Variants in COP1 observed in about 807,000 individuals in gnomAD.
COP1 encodes the protein E3 ubiquitin-protein ligase COP1.
Under a neutral mutation model 101.3 loss-of-function variants are expected in COP1, and 24 were observed. The ratio of observed to expected loss-of-function variants is 0.24; its 90% CI spans 0.17 to 0.33. The LOEUF (loss-of-function observed/expected upper bound fraction) is 0.33. Ranked by LOEUF, COP1 falls within the 10% of genes least tolerant of loss-of-function variation. COP1 has a pLI of 1.00. For synonymous variants in COP1, 347 were observed against 341.9 expected (o/e 1.01, Z -0.17); for missense variants, 663 against 906.2 (o/e 0.73, Z 3.45).
chr1:176,081,411 T>C, intron 10 of COP1, 124 bp from the exon 11 acceptor site: 1 of 701,502 alleles, frequency 1.4e-6, no homozygotes. Context: ...AAGATTTTAC[T>C]AAAGACTAGT....
intron 14 of COP1, among the ~76,000 whole-genome samples, chr1:176,036,660 A>G (rs1203507832): frequency 6.6e-6 from 1 of 152,120 alleles, no homozygotes; most frequent in Non-Finnish European, 1.5e-5. Flanking sequence ...CCATACTTCC[A>G]ATTTTGAATT....
At chr1:176,050,132 T>C (rs1375227668) in intron 11 of COP1, among the ~76,000 whole-genome samples, 1 of 152,238 alleles carries the variant, frequency 6.6e-6, no homozygotes. Flanking sequence ...ATCGTGTTTC[T>C]GGGGACATAA....
chr1:176,090,893 G>A (rs1331380522), intron 9 of COP1, among the ~76,000 whole-genome samples: 2 of 152,142 alleles, frequency 1.3e-5, no homozygotes, highest in African/African-American at 2.4e-5. Context: ...CACAGAAAGT[G>A]AAATTATTCC....
chr1:176,206,379 T>C (rs1700853065), intron 1 of COP1, 193 bp downstream of exon 1: 12 of 596,876 alleles, frequency 2.0e-5, no homozygotes, highest in Non-Finnish European at 8.6e-6. Flanking sequence ...GCCTCGCTAC[T>C]CCAACATTCC....
chr1:176,081,040 GCAGGCTACTT>G (rs1288238167), intron 11 of COP1, 102 bp downstream of exon 11: 1 of 904,438 alleles, frequency 1.1e-6, no homozygotes, highest in Non-Finnish European at 1.7e-6. Flanking sequence ...CTAATAATTG[GCAGGCTACTT>G]CAGAACCCAC....
chr1:176,173,141 C>A (rs1696342676), intron 3 of COP1, among the ~76,000 whole-genome samples: 2 of 151,938 alleles, frequency 1.3e-5, no homozygotes, highest in African/African-American at 2.4e-5. Context: ...GAAACCCTGT[C>A]TCTACTAAAA....
At chr1:176,088,902 G>A (rs1680725128) in intron 9 of COP1, among the ~76,000 whole-genome samples, 1 of 151,638 alleles carries the variant, frequency 6.6e-6, no homozygotes, top group Admixed American at 6.6e-5. Flanking sequence ...GGCTGAGGCA[G>A]GAGAATCACT....
chr1:176,085,648 C>T (rs1403444979), intron 10 of COP1, 128 bp downstream of exon 10: 1 of 478,198 alleles, frequency 2.1e-6, no homozygotes, highest in Non-Finnish European at 3.9e-6. Context: ...CCATGATGAT[C>T]TGGTAGACTA....
intron 15 of COP1, among the ~76,000 whole-genome samples, chr1:175,995,510 A>G (rs955371672): frequency 1.3e-5 from 2 of 152,212 alleles, no homozygotes; most frequent in African/African-American, 4.8e-5. Flanking sequence ...CAAGACTAAT[A>G]AAGAAGAAAA....
chr1:175,993,766 G>C (rs995732885), intron 15 of COP1, among the ~76,000 whole-genome samples: 7 of 152,222 alleles, frequency 4.6e-5, no homozygotes, highest in South Asian at 2.1e-4. Context: ...ATCTACGTCT[G>C]ATTGGTGTAC....
Position 176,162,910 on chromosome 1 carries a change from T to C in COP1, c.721A>G (p.Met241Val), listed in dbSNP as rs763804168. 1 of 1,609,412 alleles carries C rather than the reference T, an allele frequency of 6.2e-7. No individual in the cohort carries two copies. The highest frequency in any genetic ancestry group is 8.5e-7 in the Non-Finnish European group (1 of 1,177,908). Residue 241 changes from methionine (M) to valine (V), a missense_variant, in exon 5 of 20, where the codon ATG (methionine) becomes GTG (valine). This residue lies in a region of COP1 where 212 missense variants were observed against 240.7 expected (regional missense o/e 0.88). Transcript: ENST00000367669. ...TTCTTCTGCACTAGTAACTCCAACA[T>C]AAGATTGACATTGGCCAAATCAAGG... ...DNLDLANVNL[M>V]LELLVQKKKQ...
intron 9 of COP1, among the ~76,000 whole-genome samples, 189 bp downstream of exon 9, chr1:176,116,435 T>A (rs1208155962): frequency 6.6e-6 from 1 of 152,234 alleles, no homozygotes; most frequent in Admixed American, 6.5e-5. Context: ...TAAGTTCTTA[T>A]CATTGAAAAA....
intron 14 of COP1, among the ~76,000 whole-genome samples, chr1:176,038,427 G>C (rs2149141468): frequency 6.6e-6 from 1 of 152,308 alleles, no homozygotes; most frequent in East Asian, 1.9e-4. Context: ...AAAGGAAATA[G>C]AAGAGTTAAA....
intron 18 of COP1, among the ~76,000 whole-genome samples, chr1:175,972,511 A>T (rs1653495585): frequency 6.6e-6 from 1 of 150,406 alleles, no homozygotes; most frequent in Non-Finnish European, 1.5e-5. Flanking sequence ...TGTTGCCAGA[A>T]TGGAGTGCAG....
At chr1:176,065,620 C>T (rs1675784268) in intron 11 of COP1, among the ~76,000 whole-genome samples, 2 of 151,954 alleles carry the variant, frequency 1.3e-5, no homozygotes, top group South Asian at 4.2e-4. Context: ...TCTGTCCTCC[C>T]CTATTTGCCT....
intron 1 of COP1, among the ~76,000 whole-genome samples, chr1:176,196,404 A>G (rs970114769): frequency 2.0e-5 from 3 of 152,204 alleles, no homozygotes; most frequent in African/African-American, 4.8e-5. Context: ...CAAATTATCA[A>G]TATCAGGAAT....
intron 14 of COP1, among the ~76,000 whole-genome samples, chr1:176,039,931 T>C (rs1198741007): frequency 6.6e-6 from 1 of 152,118 alleles, no homozygotes; most frequent in Non-Finnish European, 1.5e-5. Context: ...AAGACATAAA[T>C]ATAGGAGCTT....
At chr1:176,183,083 G>C (rs894220798) in intron 2 of COP1, among the ~76,000 whole-genome samples, 3 of 152,128 alleles carry the variant, frequency 2.0e-5, no homozygotes, top group Admixed American at 2.0e-4. Flanking sequence ...TTATAAGAAA[G>C]AATATAGATA....
chr1:176,110,281 C>A (rs1685055133), intron 9 of COP1, among the ~76,000 whole-genome samples: 1 of 152,204 alleles, frequency 6.6e-6, no homozygotes, highest in African/African-American at 2.4e-5. Context: ...AATCTAAACT[C>A]CTTCTAACAG....
Sources: allele counts gnomAD v4.1 joint callset (sites outside exome capture counted in the v4.1 genomes callset), GRCh38; gene constraint gnomAD v4.1.1; regional missense constraint gnomAD v4.1.1; transcripts MANE v1.5; gene names NCBI Gene and HGNC (gene_info 2026-07-23, HGNC 2026-07-21).